Variants in AGBL4 observed in about 807,000 individuals in gnomAD.
The protein encoded by AGBL4 is cytosolic carboxypeptidase 6.
A neutral mutation model predicts 66.4 loss-of-function variants in AGBL4; 58 were observed. The observed-to-expected ratio is 0.87, with a 90% CI of 0.71 to 1.09. The LOEUF is 1.09. Among genes scored for constraint, AGBL4 ranks in the 50% least tolerant of loss-of-function variants. The pLI is 0.00. For synonymous variants in AGBL4, 234 were observed against 222.9 expected (o/e 1.05, Z -0.44); for missense variants, 579 against 631.0 (o/e 0.92, Z 0.88).
intron 1 of AGBL4, among the ~76,000 whole-genome samples, chr1:49,915,312 G>T (rs2148220853): frequency 6.6e-6 from 1 of 152,150 alleles, no homozygotes; most frequent in African/African-American, 2.4e-5. Context: ...AAGTGCAAGG[G>T]GTCAGGGAAT....
chr1:49,033,843 T>C (rs1289559028), intron 5 of AGBL4, among the ~76,000 whole-genome samples: 4 of 150,566 alleles, frequency 2.7e-5, no homozygotes, highest in Non-Finnish European at 4.4e-5. Context: ...TTTTTACTTC[T>C]CAGATTTTTA....
chr1:49,355,126 T>G (rs555834194), intron 3 of AGBL4, among the ~76,000 whole-genome samples: 1 of 152,188 alleles, frequency 6.6e-6, no homozygotes, highest in Non-Finnish European at 1.5e-5. Context: ...TAGCCAGGAA[T>G]CAACTTTTCG....
At chr1:49,712,558 T>C (rs1231928388) in intron 2 of AGBL4, among the ~76,000 whole-genome samples, 1 of 151,942 alleles carries the variant, frequency 6.6e-6, no homozygotes, top group Non-Finnish European at 1.5e-5. Flanking sequence ...CTATAGTTAA[T>C]AATATTGCAT....
At chr1:48,737,881 C>T (rs895173147) in intron 6 of AGBL4, among the ~76,000 whole-genome samples, 35 of 152,126 alleles carry the variant, frequency 2.3e-4, no homozygotes, top group African/African-American at 8.4e-4. Context: ...GGACAGAGGG[C>T]GGCAGCTGCT....
chr1:48,823,905 T>C (rs1269644853), intron 6 of AGBL4, among the ~76,000 whole-genome samples: 1 of 152,184 alleles, frequency 6.6e-6, no homozygotes, highest in African/African-American at 2.4e-5. Context: ...ATCTGTAGAA[T>C]GGGAATATCT....
intron 5 of AGBL4, among the ~76,000 whole-genome samples, chr1:49,016,264 T>C (rs1360427687): frequency 2.6e-5 from 4 of 152,174 alleles, no homozygotes; most frequent in Non-Finnish European, 5.9e-5. Flanking sequence ...CCAGAGATGC[T>C]GGGTGCCTAA....
intron 4 of AGBL4, among the ~76,000 whole-genome samples, chr1:49,072,549 T>C (rs1644628480): frequency 6.6e-6 from 1 of 152,190 alleles, no homozygotes; most frequent in African/African-American, 2.4e-5. Flanking sequence ...TTCTTTCCTT[T>C]AGGAATGTTG....
chr1:48,738,555 C>T (rs1649426724), intron 6 of AGBL4, among the ~76,000 whole-genome samples: 1 of 152,314 alleles, frequency 6.6e-6, no homozygotes, highest in South Asian at 2.1e-4. Flanking sequence ...TGCATCACTT[C>T]CCTTGATGAC....
At chr1:49,099,102 T>C (rs901483879) in intron 4 of AGBL4, among the ~76,000 whole-genome samples, 7 of 152,174 alleles carry the variant, frequency 4.6e-5, no homozygotes, top group Non-Finnish European at 8.8e-5. Context: ...GTTCTTTTCA[T>C]ATAAATGTCA....
intron 3 of AGBL4, among the ~76,000 whole-genome samples, chr1:49,246,456 T>A (rs1422573771): frequency 1.3e-5 from 2 of 151,916 alleles, no homozygotes; most frequent in Non-Finnish European, 2.9e-5. Context: ...AGGATATACA[T>A]CCTCTTTCGT....
intron 4 of AGBL4, among the ~76,000 whole-genome samples, chr1:49,209,432 A>C (rs2148251198): frequency 6.6e-6 from 1 of 152,096 alleles, no homozygotes; most frequent in East Asian, 1.9e-4. Flanking sequence ...CAGTGGGGGA[A>C]AGGTGGAGAA....
chr1:48,603,218 T>C (rs1645100989), intron 9 of AGBL4, among the ~76,000 whole-genome samples: 1 of 152,202 alleles, frequency 6.6e-6, no homozygotes, highest in Non-Finnish European at 1.5e-5. Flanking sequence ...ATGCCTGTAA[T>C]CCCAGCTCTT....
intron 1 of AGBL4, among the ~76,000 whole-genome samples, chr1:49,884,041 A>C (rs1647737169): frequency 1.3e-5 from 2 of 152,132 alleles, no homozygotes. Flanking sequence ...AATAACTTTT[A>C]TATTTATTGA....
intron 3 of AGBL4, among the ~76,000 whole-genome samples, chr1:49,298,088 C>T (rs1055127672): frequency 5.9e-5 from 9 of 152,194 alleles, no homozygotes; most frequent in Non-Finnish European, 1.2e-4. Flanking sequence ...CCTGGCAAAA[C>T]TCACACTTCT....
At position 49,728,955 on chromosome 1, in the gene AGBL4, C is replaced by T. The variant is rs560491434; in HGVS notation, c.158-31518G>A. Among the ~76,000 whole-genome samples the T allele has an allele frequency of 3.0e-4, 45 of 152,296 alleles. No homozygotes were observed. The South Asian group carries it at 6.6e-3, about 22-fold the overall frequency. On this transcript the variant is annotated intron_variant, in intron 2 of 13. Coordinates refer to ENST00000371839, the MANE Select transcript of AGBL4 (RefSeq NM_032785.4). ...TAGTAACAAAATGTCAAATGCTTCG[C>T]CTATACACCTAGGGTGCCTCCATAT...
intron 11 of AGBL4, among the ~76,000 whole-genome samples, chr1:48,579,707 G>A (rs547402110): frequency 6.8e-5 from 10 of 148,036 alleles, no homozygotes; most frequent in African/African-American, 1.2e-4. Flanking sequence ...TCAGGAGATC[G>A]AGACCATCCT....
At chr1:49,903,693 T>C (rs1358483082) in intron 1 of AGBL4, among the ~76,000 whole-genome samples, 4 of 152,108 alleles carry the variant, frequency 2.6e-5, no homozygotes, top group Admixed American at 2.6e-4. Flanking sequence ...CCATATTTGG[T>C]GTTCAAGAAA....
At chr1:48,833,694 A>G (rs1480816986) in intron 6 of AGBL4, among the ~76,000 whole-genome samples, 1 of 152,208 alleles carries the variant, frequency 6.6e-6, no homozygotes, top group Non-Finnish European at 1.5e-5. Flanking sequence ...AATAAATGAG[A>G]TTATACCAGG....
At chr1:49,481,356 G>A (rs1052172625) in intron 3 of AGBL4, among the ~76,000 whole-genome samples, 1 of 151,942 alleles carries the variant, frequency 6.6e-6, no homozygotes, top group African/African-American at 2.4e-5. Context: ...CTTGTTAGCT[G>A]TATTACTAGG....
Sources: allele counts gnomAD v4.1 joint callset (sites outside exome capture counted in the v4.1 genomes callset), GRCh38; gene constraint gnomAD v4.1.1; transcripts MANE v1.5; gene names NCBI Gene and HGNC (gene_info 2026-07-23, HGNC 2026-07-21).